The following AP4M1 variants were observed in gnomAD, a reference collection of about 807,000 sequenced individuals.
AP4M1 encodes adaptor related protein complex 4 subunit mu 1.
Under a neutral mutation model 62.4 loss-of-function variants are expected in AP4M1, and 58 were observed. The ratio of observed to expected loss-of-function variants is 0.93; its 90% CI spans 0.75 to 1.16. AP4M1 has a LOEUF of 1.16. Among genes scored for constraint, AP4M1 ranks in the 50% most tolerant of loss-of-function variants. The pLI is 0.00. For missense variants in AP4M1, 626 were observed against 585.4 expected (o/e 1.07, Z -0.72); for synonymous variants, 290 against 239.7 (o/e 1.21, Z -1.94).
chr7:100,101,845 C>T, intron 1 of AP4M1, 35 bp from the exon 2 acceptor site: 1 of 1,612,412 alleles, frequency 6.2e-7, no homozygotes, highest in Non-Finnish European at 8.5e-7. Flanking sequence ...CAGCCTGTGT[C>T]GCAGGATCCT....
At chr7:100,102,218 T>C (rs1562904813) in intron 2 of AP4M1, 1 of 580,096 alleles carries the variant, frequency 1.7e-6, no homozygotes, top group African/African-American at 2.0e-5. Flanking sequence ...CCGCCTCTAC[T>C]AAAAATACAA....
chr7:100,103,887 C>CAAAAAAAAAA (rs10671291), intron 6 of AP4M1, among the ~76,000 whole-genome samples, 195 bp downstream of exon 6: 7 of 91,998 alleles, frequency 7.6e-5, no homozygotes, highest in South Asian at 3.7e-4. Context: ...ACTAAAAATG[C>CAAAAAAAAAA]AAAAAAAAAA....
rs377269608 is a variant in AP4M1 at position 100,105,458 on chromosome 7, G to A, written c.848G>A (p.Arg283Gln). 30 of 1,613,932 alleles carry A rather than the reference G, an allele frequency of 1.9e-5. No individual in the cohort carries two copies. The highest frequency in any genetic ancestry group is 3.3e-4 in the Middle Eastern group (2 of 6,084). ...QPPQGELTVM[R>Q]YQLSDDLPSP... is the part of the protein sequence containing the mutation. ...CTGGTCTCTCAGCTGACTGTGATGC[G>A]GTACCAACTCTCCGATGACCTCCCC... The change falls in exon 11 of 15, where the codon CGG becomes CAG. Residue 283 changes from arginine to glutamine, a missense_variant. By Grantham distance (43) the Arg-to-Gln change is conservative. Coordinates refer to ENST00000359593, the MANE Select transcript of AP4M1 (RefSeq NM_004722.4).
rs1263819023 is a variant in AP4M1, at chr7:100,108,573, G to C, written c.*1691G>C. 2 of 1,566,666 alleles carry C rather than the reference G, an allele frequency of 1.3e-6. No individual in the cohort carries two copies. The highest frequency in any genetic ancestry group is 8.7e-7 in the Non-Finnish European group (1 of 1,152,914). On this transcript the variant is annotated 3_prime_UTR_variant, in exon 15 of 15. Transcript: ENST00000359593. ...ACAGAAAAAAAGCCAGGTAGAGGGA[G>C]GGCTGGGGAAAAAAGCCAGGTAGAG...
intron 4 of AP4M1, 194 bp downstream of exon 4, chr7:100,103,154 C>T: frequency 1.5e-6 from 1 of 656,358 alleles, no homozygotes; most frequent in Non-Finnish European, 2.7e-6. Context: ...TCACTGCAGC[C>T]TGGAACTCCT....
rs1407186235 is a variant in AP4M1, at chr7:100,105,998, A to G, written c.969A>G (p.Ser323=). 1.2e-6 allele frequency: 2 copies of G among 1,614,100 alleles called. No individual in the cohort carries two copies. Among genetic ancestry groups the G allele is most frequent in the Non-Finnish European group, 1.7e-6 (2 of 1,180,016 alleles). ...TAAAGTTGCGATGTGACCTGCTCTCAAAGAGGTAAGAGTGAGGCTGGCCTG... is the reference window on the plus strand; with the variant it reads ...TAAAGTTGCGATGTGACCTGCTCTCGAAGAGGTAAGAGTGAGGCTGGCCTG... ...VYLKLRCDLL[S]KSQALNVRLH... The change falls in exon 12 of 15, where the codon TCA becomes TCG. Residue 323 remains serine, a synonymous_variant. Coordinates refer to ENST00000359593, the MANE Select transcript of AP4M1 (RefSeq NM_004722.4).
chr7:100,102,712 G>T lies in AP4M1; in HGVS notation c.185G>T (p.Ser62Ile), dbSNP rs545746423. The T allele has an allele frequency of 6.2e-7, 1 of 1,614,118 alleles. No individual in the cohort carries two copies. The highest frequency in any genetic ancestry group is 1.3e-5 in the African/African-American group (1 of 75,030). ...CGTCATTTCATTCACATCAGACACA[G>T]CGGCCTCTATTTGGTGGTCACAACT... ...HGRHFIHIRH[S>I]GLYLVVTTSE... Residue 62 changes from serine to isoleucine, a missense_variant, in exon 3 of 15, where the codon AGC becomes ATC. Physicochemically the swap from Ser to Ile is moderately radical, Grantham distance 142. Transcript: ENST00000359593.
At position 100,104,876 on chromosome 7, in the gene AP4M1, A is replaced by T. The variant is rs1306805951; in HGVS notation, c.609A>T (p.Gly203=). The T allele has an allele frequency of 3.7e-6, 6 of 1,614,036 alleles. No individual in the cohort carries two copies. The highest frequency in any genetic ancestry group is 5.1e-6 in the Non-Finnish European group (6 of 1,180,030). Residue 203 remains glycine, a splice_region_variant and synonymous_variant, in exon 8 of 15, where the codon GGA becomes GGT. Coordinates refer to ENST00000359593, the MANE Select transcript of AP4M1 (RefSeq NM_004722.4). Reference sequence around the variant, plus strand: ...ACCTTGACGCCCCTGCCTCTCAGGGATCCCTGCTGAAGGTGGATGTGCAGG... The same window carrying T: ...ACCTTGACGCCCCTGCCTCTCAGGGTTCCCTGCTGAAGGTGGATGTGCAGG... ...ERLSVLIASN[G]SLLKVDVQGE...
In AP4M1 at chr7:100,107,725, C is replaced by CTGTA; in HGVS notation, c.*844_*847dup. 1 of 1,490,652 alleles carries CTGTA rather than the reference C, an allele frequency of 6.7e-7. No individual in the cohort carries two copies. The highest frequency in any genetic ancestry group is 1.3e-5 in the South Asian group (1 of 77,068). 92.3% of individuals were successfully genotyped at this position (1,490,652 alleles called of 1,614,324 possible). A position where few individuals can be genotyped will look rare whatever the true frequency, so the allele number is the denominator to read the frequency against. On this transcript the variant is annotated 3_prime_UTR_variant, in exon 15 of 15. Transcript: ENST00000359593. ...CGCTCCCTGCCTGAACAAGTTGTTC[C>CTGTA]TGTAGTTCACCCTGTAGACAGCTAT... is the stretch of plus-strand genomic sequence containing the variant.
At position 100,103,491 on chromosome 7, in the gene AP4M1, G is replaced by A. The variant is rs1419173407; in HGVS notation, c.434G>A (p.Ser145Asn). 2 of 1,614,228 alleles carry A rather than the reference G, an allele frequency of 1.2e-6. No homozygotes were observed. ...QTEAVVSKPF[S>N]LFDLSSVGLF... ...GAAGCTGTGGTCAGCAAGCCCTTCA[G>A]CCTCTTTGACCTCAGCAGCGTTGGC... The change falls in exon 5 of 15, where the codon AGC becomes AAC. Residue 145 changes from serine (S) to asparagine (N), a missense_variant. Transcript: ENST00000359593.
chr7:100,107,668 G>T lies in AP4M1; in HGVS notation c.*786G>T. On this transcript the variant is annotated 3_prime_UTR_variant, in exon 15 of 15. Transcript: ENST00000359593. ...AGGCCGCTTGCCCTGTGCCCTCCCT[G>T]CCCCCCAGAGGCCTGGCGAGGACGC... The T allele has an allele frequency of 1.3e-6, 2 of 1,595,338 alleles. No homozygotes were observed. The highest frequency in any genetic ancestry group is 1.1e-5 in the South Asian group (1 of 89,908).
In AP4M1 at chr7:100,105,266, G is replaced by A. The variant is rs762387733; in HGVS notation, c.754G>A (p.Glu252Lys). The A allele has an allele frequency of 3.1e-6, 5 of 1,614,020 alleles. No homozygotes were observed. Among genetic ancestry groups the A allele is most frequent in the Non-Finnish European group, 4.2e-6 (5 of 1,180,042 alleles). ...RGYGPGIRVD[E>K]VSFHSSVNLD... ...TTATGGGCCAGGAATCCGGGTCGAT[G>A]AAGTCTCGTTTCACAGCTCTGTGAA... is the stretch of plus-strand genomic sequence containing the variant. The change falls in exon 10 of 15, where the codon GAA (glutamate) becomes AAA (lysine). Residue 252 changes from glutamate to lysine, a missense_variant. Transcript: ENST00000359593.
At position 100,107,940 on chromosome 7, in the gene AP4M1, G is replaced by A; in HGVS notation, c.*1058G>A. 1 of 1,611,372 alleles carries A rather than the reference G, an allele frequency of 6.2e-7. No homozygotes were observed. The highest frequency in any genetic ancestry group is 1.3e-5 in the African/African-American group (1 of 75,008). Reference sequence around the variant, plus strand: ...GCTCTGCATACCTGCTGGGTGGATGGGGCGCTGGAGGACGATGACATTACA... The same window carrying A: ...GCTCTGCATACCTGCTGGGTGGATGAGGCGCTGGAGGACGATGACATTACA... On this transcript the variant is annotated 3_prime_UTR_variant, in exon 15 of 15. Coordinates refer to ENST00000359593, the MANE Select transcript of AP4M1 (RefSeq NM_004722.4).
rs4134926 is a variant in AP4M1, at chr7:100,107,723, TC to T, written c.*843del. The stretch of plus-strand genomic sequence containing the variant: ...CTCGCTCCCTGCCTGAACAAGTTGT[TC>T]CTGTAGTTCACCCTGTAGACAGCTA... On this transcript the variant is annotated 3_prime_UTR_variant, in exon 15 of 15. Transcript: ENST00000359593. 0.043 allele frequency: 64,600 copies of T among 1,507,640 alleles called. 1,437 individuals carry two copies. The highest frequency in any genetic ancestry group is 0.052 in the Middle Eastern group (216 of 4,162). The allele number at this position is 1,507,640 out of a possible 1,614,324, so 93.4% of individuals were successfully genotyped here. A position where few individuals can be genotyped will look rare whatever the true frequency, so the allele number is the denominator to read the frequency against.
chr7:100,102,131 A>G (rs1387999157), intron 2 of AP4M1, 163 bp downstream of exon 2: 5 of 784,822 alleles, frequency 6.4e-6, no homozygotes, highest in Admixed American at 2.2e-5. Flanking sequence ...CTGTAATCCC[A>G]GCACTTTGGG....
Position 100,105,308 on chromosome 7 carries a change from T to G in AP4M1, c.796T>G (p.Ser266Ala). The change falls in exon 10 of 15, where the codon TCT becomes GCT. Residue 266 changes from serine (S) to alanine (A), a missense_variant. Ser to Ala is a moderately conservative substitution (Grantham distance 99). Coordinates refer to ENST00000359593, the MANE Select transcript of AP4M1 (RefSeq NM_004722.4). Reference protein sequence around the residue: ...HSSVNLDEFESHRILRLQPPQ... With the variant: ...HSSVNLDEFEAHRILRLQPPQ... ...CTCTGTGAATCTGGACGAATTTGAGTCTCATCGAATCCTCCGCTTGCAACC... is the reference window on the plus strand; with the variant it reads ...CTCTGTGAATCTGGACGAATTTGAGGCTCATCGAATCCTCCGCTTGCAACC... The G allele has an allele frequency of 6.2e-7, 1 of 1,613,872 alleles. No individual in the cohort carries two copies. Among genetic ancestry groups the G allele is most frequent in the Non-Finnish European group, 8.5e-7 (1 of 1,179,984 alleles).
intron 10 of AP4M1, 22 bp downstream of exon 10, chr7:100,105,368 T>C: frequency 6.2e-7 from 1 of 1,613,520 alleles, no homozygotes; most frequent in Non-Finnish European, 8.5e-7. Context: ...GGTGGCCTCA[T>C]AAATTCCGTC....
rs1189748558 is a variant in AP4M1 at position 100,105,466 on chromosome 7, C to T, written c.856C>T (p.Leu286Phe). 1 of 1,614,106 alleles carries T rather than the reference C, an allele frequency of 6.2e-7. No homozygotes were observed. The highest frequency in any genetic ancestry group is 2.2e-5 in the East Asian group (1 of 44,884). ...QGELTVMRYQ[L>F]SDDLPSPLPF... is the part of the protein sequence containing the mutation. ...TCAGCTGACTGTGATGCGGTACCAA[C>T]TCTCCGATGACCTCCCCTCACCGCT... Residue 286 changes from leucine (L) to phenylalanine (F), a missense_variant, in exon 11 of 15, where the codon CTC becomes TTC. Transcript: ENST00000359593.
At position 100,108,174 on chromosome 7, in the gene AP4M1, A is replaced by G. The variant is rs1224962554; in HGVS notation, c.*1292A>G. 1 of 1,540,988 alleles carries G rather than the reference A, an allele frequency of 6.5e-7. No individual in the cohort carries two copies. Among genetic ancestry groups the G allele is most frequent in the African/African-American group, 1.4e-5 (1 of 74,032 alleles). ...AGTGGCACCATCTACTAAGAAGAGG[A>G]GTCTGAAGGGAGAGGCCTGGGCTCC... is the stretch of plus-strand genomic sequence containing the variant. On this transcript the variant is annotated 3_prime_UTR_variant, in exon 15 of 15. Transcript: ENST00000359593.
Sources: gnomAD v4.1 joint callset for allele counts (sites outside exome capture counted in the v4.1 genomes callset) on GRCh38, gnomAD v4.1.1 for gene constraint, MANE v1.5 for transcripts, NCBI Gene and HGNC (gene_info 2026-07-23, HGNC 2026-07-21) for gene names.